YTHDC2: variants seen among roughly 807,000 people sequenced by gnomAD.
The protein encoded by YTHDC2 is YTH N6-methyladenosine RNA binding protein C2, also known as 3'-5' RNA helicase YTHDC2.
YTHDC2 carries 45 observed loss-of-function variants against 174.9 expected under a neutral mutation model. The observed-to-expected ratio is 0.26, with a 90% CI of 0.20 to 0.33. YTHDC2 has a LOEUF of 0.33. YTHDC2 is among the 10% of genes least tolerant of loss of function. YTHDC2 has a pLI of 1.00. For missense variants in YTHDC2, 1,650 were observed against 1,723.7 expected (o/e 0.96, Z 0.76); for synonymous variants, 657 against 574.5 (o/e 1.14, Z -2.05).
In YTHDC2 at chr5:113,591,037, A is replaced by G. The variant is rs759472502; in HGVS notation, c.3826-4A>G. 2.5e-6 allele frequency: 4 copies of G among 1,612,642 alleles called. No individual in the cohort carries two copies. The highest frequency in any genetic ancestry group is 3.4e-6 in the Non-Finnish European group (4 of 1,179,452). The stretch of plus-strand genomic sequence containing the variant: ...CTTTCAAGAACTTATGTTTTCTTTT[A>G]TAGGGCTCAAAATCTCCTTCGCCAA... On this transcript the variant is annotated splice_polypyrimidine_tract_variant and splice_region_variant and intron_variant, in intron 26 of 29. Coordinates refer to ENST00000161863, the MANE Select transcript of YTHDC2 (RefSeq NM_022828.5).
At chr5:113,589,741 A>T (rs926878690) in intron 26 of YTHDC2, among the ~76,000 whole-genome samples, 1 of 152,026 alleles carries the variant, frequency 6.6e-6, no homozygotes, top group African/African-American at 2.4e-5. Context: ...CCCTAAAAAA[A>T]GTTAATAATA....
At chr5:113,532,131 A>G (rs896103377) in intron 4 of YTHDC2, among the ~76,000 whole-genome samples, 1 of 152,226 alleles carries the variant, frequency 6.6e-6, no homozygotes, top group African/African-American at 2.4e-5. Flanking sequence ...TATCCATGAG[A>G]TGGAATATGC....
intron 23 of YTHDC2, among the ~76,000 whole-genome samples, chr5:113,571,285 G>T (rs759191117): frequency 1.3e-5 from 2 of 152,170 alleles, no homozygotes; most frequent in East Asian, 3.9e-4. Context: ...TATGTTTATT[G>T]ATTTGCATAT....
chr5:113,593,123 C>G (rs1470279466), intron 28 of YTHDC2, 180 bp from the exon 29 acceptor site: 5 of 418,924 alleles, frequency 1.2e-5, no homozygotes, highest in South Asian at 6.1e-5. Context: ...ATCTGGAAGT[C>G]AACTCCATAA....
At chr5:113,528,020 G>T (rs969172597) in intron 4 of YTHDC2, among the ~76,000 whole-genome samples, 14 of 152,106 alleles carry the variant, frequency 9.2e-5, no homozygotes, top group African/African-American at 3.4e-4. Context: ...TTGTTTAGCT[G>T]TCTTAGATTG....
At chr5:113,587,933 C>G (rs570525366) in intron 26 of YTHDC2, among the ~76,000 whole-genome samples, 50 of 152,076 alleles carry the variant, frequency 3.3e-4, no homozygotes, top group African/African-American at 1.2e-3. Context: ...TTTAATTTCT[C>G]TCAACAATGT....
At chr5:113,530,996 CCTT>C (rs1183695635) in intron 4 of YTHDC2, among the ~76,000 whole-genome samples, 3 of 152,136 alleles carry the variant, frequency 2.0e-5, no homozygotes, top group Admixed American at 6.6e-5. Flanking sequence ...CCCCCCAACT[CCTT>C]CTCTCCGCTC....
intron 28 of YTHDC2, chr5:113,593,034 C>CTGT: frequency 4.0e-6 from 1 of 249,890 alleles, no homozygotes; most frequent in Non-Finnish European, 7.7e-6. Context: ...TAGGTAGAAA[C>CTGT]AGTTCCAGGA....
Position 113,591,153 on chromosome 5 carries a change from C to T in YTHDC2, c.3938C>T (p.Thr1313Ile). ...CAACAGAAGGGTATCTGGTCTACAA[C>T]TCCTAGTAATGAACGGAAGCTAAAT... ...ISQQKGIWSTTPSNERKLNRA... is the reference protein window; with the variant it reads ...ISQQKGIWSTIPSNERKLNRA... Residue 1313 changes from threonine to isoleucine, a missense_variant, in exon 27 of 30, where the codon ACT becomes ATT. Physicochemically the swap from Thr to Ile is moderately conservative, Grantham distance 89 (BLOSUM62 -1). Coordinates refer to ENST00000161863, the MANE Select transcript of YTHDC2 (RefSeq NM_022828.5). 6.2e-7 allele frequency: 1 copy of T among 1,613,978 alleles called. No individual in the cohort carries two copies. The highest frequency in any genetic ancestry group is 8.5e-7 in the Non-Finnish European group (1 of 1,179,914).
rs1777310338 is a variant in YTHDC2, at chr5:113,566,072, A to C, written c.2842+53A>C. On this transcript the variant is annotated intron_variant, in intron 21 of 29. Coordinates refer to ENST00000161863, the MANE Select transcript of YTHDC2 (RefSeq NM_022828.5). ...TTAAGTTACTGAGAGTACCCTGCCC[A>C]TATTTCATAGTATTTCTTATGTTAA... 2.0e-6 allele frequency: 3 copies of C among 1,492,954 alleles called. No homozygotes were observed. In the East Asian group the frequency reaches 7.2e-5, roughly 36 times the overall value. The allele number at this position is 1,492,954 out of a possible 1,614,324, so 92.5% of individuals were successfully genotyped here.
intron 26 of YTHDC2, among the ~76,000 whole-genome samples, chr5:113,584,746 TTATTTCTTTCC>T (rs1244066128): frequency 6.6e-6 from 1 of 151,782 alleles, no homozygotes; most frequent in Non-Finnish European, 1.5e-5. Flanking sequence ...AGGCTGTTTA[TTATTTCTTTCC>T]TATTTCTTTC....
chr5:113,576,422 C>T (rs1403523342), intron 23 of YTHDC2, among the ~76,000 whole-genome samples: 28 of 152,098 alleles, frequency 1.8e-4, no homozygotes, highest in Admixed American at 1.8e-3. Flanking sequence ...ACATCTTCAT[C>T]AGTGTGTCCT....
At chr5:113,589,420 T>TA (rs1389902172) in intron 26 of YTHDC2, among the ~76,000 whole-genome samples, 1 of 142,946 alleles carries the variant, frequency 7.0e-6, no homozygotes, top group Non-Finnish European at 1.5e-5. Flanking sequence ...TATATATATA[T>TA]ATATATATAT....
chr5:113,565,697 A>G (rs1179161918), intron 20 of YTHDC2, 196 bp from the exon 21 acceptor site: 8 of 489,842 alleles, frequency 1.6e-5, no homozygotes, highest in Non-Finnish European at 2.6e-5. Context: ...GATTTTATAA[A>G]CTCAATGGCT....
chr5:113,522,596 T>A (rs902159286), intron 2 of YTHDC2, among the ~76,000 whole-genome samples: 2 of 152,190 alleles, frequency 1.3e-5, no homozygotes, highest in Non-Finnish European at 2.9e-5. Flanking sequence ...AGTTTTTAGT[T>A]AATTTTGCTT....
chr5:113,526,153 TCTTATA>T (rs1279208825), intron 3 of YTHDC2, among the ~76,000 whole-genome samples: 1 of 152,106 alleles, frequency 6.6e-6, no homozygotes, highest in Non-Finnish European at 1.5e-5. Context: ...ACGTGACAGA[TCTTATA>T]AGTATAATGT....
chr5:113,577,302 T>A (rs1392347240), intron 23 of YTHDC2, among the ~76,000 whole-genome samples: 1 of 152,210 alleles, frequency 6.6e-6, no homozygotes, highest in Non-Finnish European at 1.5e-5. Context: ...TACCTATTTT[T>A]AAATAATGAA....
chr5:113,561,511 C>T (rs1470708345), intron 18 of YTHDC2, among the ~76,000 whole-genome samples: 1 of 150,284 alleles, frequency 6.7e-6, no homozygotes, highest in East Asian at 1.9e-4. Flanking sequence ...CTTTGTTGCC[C>T]AGGCTAGAGT....
intron 22 of YTHDC2, 47 bp from the exon 23 acceptor site, chr5:113,567,607 A>G (rs779982745): frequency 3.2e-5 from 45 of 1,420,328 alleles, no homozygotes; most frequent in Non-Finnish European, 4.2e-5. Context: ...CCAATAAACT[A>G]GGTGATAAAC....
Sources: gnomAD v4.1 joint callset for allele counts (sites outside exome capture counted in the v4.1 genomes callset) on GRCh38, gnomAD v4.1.1 for gene constraint, MANE v1.5 for transcripts, NCBI Gene and HGNC (gene_info 2026-07-23, HGNC 2026-07-21) for gene names.